The following ASB3 variants were observed in gnomAD, a reference collection of about 807,000 sequenced individuals.
ASB3 encodes ankyrin repeat and SOCS box containing 3, also known as ankyrin repeat and SOCS box protein 3.
Under a neutral mutation model 54.5 loss-of-function variants are expected in ASB3, and 41 were observed. That is an observed-to-expected ratio of 0.75 (90% CI 0.59 to 0.98). ASB3 has a LOEUF of 0.98. ASB3 is among the 50% of genes least tolerant of loss of function. The pLI, the probability that ASB3 is intolerant of heterozygous loss-of-function variation, is 0.00. For synonymous variants in ASB3, 266 were observed against 221.2 expected (o/e 1.20, Z -1.80); for missense variants, 733 against 620.0 (o/e 1.18, Z -1.94).
intron 9 of ASB3, among the ~76,000 whole-genome samples, chr2:53,683,144 A>G (rs1038716299): frequency 7.2e-5 from 11 of 152,192 alleles, no homozygotes; most frequent in African/African-American, 2.4e-4. Flanking sequence ...GAATTGAGGC[A>G]TACCCGGTTT....
chr2:53,758,987 A>G (rs1252447801), intron 2 of ASB3, among the ~76,000 whole-genome samples: 1 of 152,240 alleles, frequency 6.6e-6, no homozygotes, highest in Non-Finnish European at 1.5e-5. Context: ...ATGTTTTACA[A>G]GGGTTAGAAC....
chr2:53,764,712 A>C (rs191743699), intron 2 of ASB3, among the ~76,000 whole-genome samples: 40 of 152,164 alleles, frequency 2.6e-4, no homozygotes, highest in African/African-American at 9.2e-4. Context: ...CTGTGGTGTA[A>C]ATACTCCTAC....
At chr2:53,699,974 A>G (rs1669396773) in intron 8 of ASB3, among the ~76,000 whole-genome samples, 1 of 152,208 alleles carries the variant, frequency 6.6e-6, no homozygotes, top group Non-Finnish European at 1.5e-5. Flanking sequence ...TTCTTCTGTT[A>G]CAGGCATTTT....
chr2:53,701,881 T>C (rs543818970), intron 7 of ASB3, among the ~76,000 whole-genome samples: 2 of 152,340 alleles, frequency 1.3e-5, no homozygotes, highest in East Asian at 1.9e-4. Flanking sequence ...ATATAAGTTC[T>C]ATCCTATGTT....
At chr2:53,708,208 T>A (rs1321061546) in intron 7 of ASB3, among the ~76,000 whole-genome samples, 1 of 152,052 alleles carries the variant, frequency 6.6e-6, no homozygotes, top group Non-Finnish European at 1.5e-5. Context: ...AGGGAGTTCT[T>A]GTGAGAGCTA....
chr2:53,780,327 A>C (rs1413992683), intron 1 of ASB3, among the ~76,000 whole-genome samples: 7 of 152,152 alleles, frequency 4.6e-5, no homozygotes, highest in Admixed American at 3.9e-4. Flanking sequence ...TTTAAGACCT[A>C]GCTCAAATGA....
At chr2:53,782,248 T>C (rs549323222) in intron 1 of ASB3, among the ~76,000 whole-genome samples, 13 of 152,268 alleles carry the variant, frequency 8.5e-5, no homozygotes, top group Admixed American at 5.2e-4. Context: ...ACATACATTT[T>C]CCTCCGCTTC....
chr2:53,737,803 T>C (rs1317942084), intron 3 of ASB3, among the ~76,000 whole-genome samples: 1 of 150,724 alleles, frequency 6.6e-6, no homozygotes, highest in Non-Finnish European at 1.5e-5. Flanking sequence ...ACTTTGAATA[T>C]CTAAAATATT....
intron 2 of ASB3, among the ~76,000 whole-genome samples, chr2:53,762,654 T>C (rs1333104939): frequency 2.6e-5 from 4 of 152,228 alleles, no homozygotes; most frequent in Middle Eastern, 3.2e-3. Context: ...TTGAATGGCA[T>C]TAATTGTCAG....
At chr2:53,771,516 A>AAAAT (rs141804757) in intron 1 of ASB3, among the ~76,000 whole-genome samples, 16 of 152,294 alleles carry the variant, frequency 1.1e-4, no homozygotes, top group African/African-American at 2.2e-4. Flanking sequence ...TCCGTCTCAA[A>AAAAT]AAATAAATAA....
chr2:53,698,781 T>C (rs772100670), intron 8 of ASB3, among the ~76,000 whole-genome samples: 9 of 152,234 alleles, frequency 5.9e-5, no homozygotes, highest in African/African-American at 1.7e-4. Context: ...TCTAAGAAGG[T>C]TGAGACTTTC....
chr2:53,677,813 G>A (rs145380961), intron 9 of ASB3, among the ~76,000 whole-genome samples: 182 of 151,836 alleles, frequency 1.2e-3, no homozygotes, highest in African/African-American at 3.8e-3. Context: ...GTGTAGATTA[G>A]AGTGTCTTGC....
chr2:53,696,201 C>T (rs1669172061), intron 8 of ASB3, among the ~76,000 whole-genome samples: 1 of 152,146 alleles, frequency 6.6e-6, no homozygotes. Context: ...ACCAAAGTTA[C>T]TCCTCAGGAG....
intron 9 of ASB3, among the ~76,000 whole-genome samples, chr2:53,675,220 T>A (rs112820988): frequency 1.3e-5 from 2 of 152,298 alleles, no homozygotes; most frequent in Non-Finnish European, 2.9e-5. Flanking sequence ...CCACAGAATC[T>A]AGTGATCTCC....
At chr2:53,742,091 C>T (rs1003000609) in intron 3 of ASB3, among the ~76,000 whole-genome samples, 7 of 152,070 alleles carry the variant, frequency 4.6e-5, no homozygotes, top group African/African-American at 9.7e-5. Flanking sequence ...AGTTGAAATC[C>T]GAAAATCAGA....
chr2:53,727,276 C>T (rs1001978814), intron 5 of ASB3, among the ~76,000 whole-genome samples: 4 of 152,132 alleles, frequency 2.6e-5, no homozygotes, highest in Admixed American at 2.6e-4. Flanking sequence ...ATGTTTGTTT[C>T]TTTTACTTCC....
At chr2:53,689,142 T>C in intron 9 of ASB3, among the ~76,000 whole-genome samples, 1 of 151,882 alleles carries the variant, frequency 6.6e-6, no homozygotes, top group Middle Eastern at 3.4e-3. Context: ...TCATGTCAAG[T>C]TTAAAATGAA....
At chr2:53,761,152 T>A (rs192924685) in intron 2 of ASB3, among the ~76,000 whole-genome samples, 1 of 152,140 alleles carries the variant, frequency 6.6e-6, no homozygotes, top group Non-Finnish European at 1.5e-5. Context: ...TTCCTAAGCC[T>A]AGCTGGGAAA....
At chr2:53,675,136 T>C (rs544838819) in intron 9 of ASB3, among the ~76,000 whole-genome samples, 1 of 152,182 alleles carries the variant, frequency 6.6e-6, no homozygotes, top group African/African-American at 2.4e-5. Context: ...ATCAAAAGGC[T>C]GTTGATGATG....
Sources: gnomAD v4.1 joint callset for allele counts (sites outside exome capture counted in the v4.1 genomes callset) on GRCh38, gnomAD v4.1.1 for gene constraint, MANE v1.5 for transcripts, NCBI Gene and HGNC (gene_info 2026-07-23, HGNC 2026-07-21) for gene names.